SIPA1L2: variants seen among roughly 807,000 people sequenced by gnomAD.
SIPA1L2 encodes the protein signal induced proliferation associated 1 like 2, also known as signal-induced proliferation-associated 1-like protein 2.
A neutral mutation model predicts 163.9 loss-of-function variants in SIPA1L2; 56 were observed. The ratio of observed to expected loss-of-function variants is 0.34; its 90% CI spans 0.28 to 0.43. The LOEUF (loss-of-function observed/expected upper bound fraction) is 0.43. SIPA1L2 is among the 20% of genes least tolerant of loss of function. The pLI, the probability that SIPA1L2 is intolerant of heterozygous loss-of-function variation, is 1.00. For synonymous variants in SIPA1L2, 877 were observed against 865.7 expected, an observed-to-expected ratio of 1.01 and a Z score of -0.23; for missense variants, 1,974 against 2,193.5, an observed-to-expected ratio of 0.90 and a Z score of 2.00.
intron 8 of SIPA1L2, among the ~76,000 whole-genome samples, chr1:232,468,418 C>G (rs187929946): frequency 7.6e-4 from 115 of 152,288 alleles, no homozygotes; most frequent in African/African-American, 2.6e-3. Flanking sequence ...TCAGGTAACT[C>G]CCGGAGTCAG....
chr1:232,593,781 T>C (rs1017798982), intron 1 of SIPA1L2, among the ~76,000 whole-genome samples: 6 of 152,152 alleles, frequency 3.9e-5, no homozygotes, highest in African/African-American at 1.4e-4. Flanking sequence ...TCGTGTCAAA[T>C]AAGCAATATT....
At chr1:232,625,241 G>C (rs1162818571) in intron 1 of SIPA1L2, among the ~76,000 whole-genome samples, 1 of 152,166 alleles carries the variant, frequency 6.6e-6, no homozygotes, top group Middle Eastern at 3.2e-3. Context: ...TAAGCCTCGA[G>C]GGAAGCTTCC....
intron 1 of SIPA1L2, among the ~76,000 whole-genome samples, chr1:232,627,775 T>C (rs1004544317): frequency 2.0e-5 from 3 of 152,346 alleles, no homozygotes; most frequent in African/African-American, 7.2e-5. Context: ...CCCCCATACC[T>C]GTGATCTAGC....
chr1:232,469,242 G>A (rs185239227), intron 8 of SIPA1L2, among the ~76,000 whole-genome samples: 6 of 152,336 alleles, frequency 3.9e-5, no homozygotes, highest in Non-Finnish European at 1.5e-5. Flanking sequence ...GCTTTCACGG[G>A]AGCTTGCCAC....
At chr1:232,615,356 T>C (rs568829252) in intron 1 of SIPA1L2, among the ~76,000 whole-genome samples, 1 of 152,370 alleles carries the variant, frequency 6.6e-6, no homozygotes, top group South Asian at 2.1e-4. Flanking sequence ...CCTTTCAGGC[T>C]AAAGCAGCAC....
chr1:232,591,268 T>C (rs978988439), intron 1 of SIPA1L2, among the ~76,000 whole-genome samples: 1 of 152,256 alleles, frequency 6.6e-6, no homozygotes, highest in African/African-American at 2.4e-5. Context: ...TTGACCAAAT[T>C]GGAAAATAAT....
At chr1:232,399,834 T>C (rs527237322) in intron 22 of SIPA1L2, among the ~76,000 whole-genome samples, 1 of 152,064 alleles carries the variant, frequency 6.6e-6, no homozygotes, top group African/African-American at 2.4e-5. Flanking sequence ...AAAAAATGTA[T>C]AGCAGCAGTT....
Position 232,445,736 on chromosome 1 carries a change from C to T in SIPA1L2, c.3146G>A (p.Ser1049Asn). ...TTTATACTCGCAGGGGGTGCCCTCGCTGTCGAGTTTATATTCCACCATAGG... is the reference window on the plus strand; with the variant it reads ...TTTATACTCGCAGGGGGTGCCCTCGTTGTCGAGTTTATATTCCACCATAGG... ...RIPMVEYKLD[S>N]EGTPCEYKTP... The change falls in exon 11 of 23, where the codon AGC (serine) becomes AAC (asparagine). Residue 1049 changes from serine (S) to asparagine (N), a missense_variant. By Grantham distance (46) the Ser-to-Asn change is conservative. Transcript: ENST00000674635. The T allele has an allele frequency of 1.2e-6, 2 of 1,613,686 alleles. No homozygotes were observed. Among genetic ancestry groups the T allele is most frequent in the Non-Finnish European group, 1.7e-6 (2 of 1,179,926 alleles).
At chr1:232,469,962 T>G (rs989315299) in intron 8 of SIPA1L2, among the ~76,000 whole-genome samples, 2 of 152,012 alleles carry the variant, frequency 1.3e-5, no homozygotes, top group African/African-American at 4.8e-5. Context: ...AGCATAAAGA[T>G]AGCAAGTAAT....
chr1:232,596,881 G>A (rs1661282626), intron 1 of SIPA1L2, among the ~76,000 whole-genome samples: 1 of 152,094 alleles, frequency 6.6e-6, no homozygotes, highest in Non-Finnish European at 1.5e-5. Flanking sequence ...TTCATTCCCG[G>A]CCTCCTCCTG....
chr1:232,467,554 C>T (rs1664588896), intron 8 of SIPA1L2, among the ~76,000 whole-genome samples: 1 of 152,196 alleles, frequency 6.6e-6, no homozygotes. Context: ...CATCCTGTGG[C>T]TTCTCTTCTC....
rs1048614632 is a variant in SIPA1L2 at position 232,608,809 on chromosome 1, C to T, written c.-319+21060G>A. ...ACCACATACAGTGGCCAAGCAAGTG[C>T]CAGGCAGGTTCACCTACCTGGGACT... On this transcript the variant is annotated intron_variant, in intron 1 of 22. Coordinates refer to ENST00000674635, the MANE Select transcript of SIPA1L2 (RefSeq NM_020808.5). 2.0e-5 allele frequency among the ~76,000 whole-genome samples: 3 copies of T among 152,152 alleles called. No individual in the cohort carries two copies. The South Asian group carries it at 6.2e-4, about 32-fold the overall frequency.
chr1:232,514,059 AG>A lies in SIPA1L2; in HGVS notation c.1280del (p.Ser427PhefsTer46). On this transcript the variant is annotated frameshift_variant, in exon 3 of 23. Coordinates refer to ENST00000674635, the MANE Select transcript of SIPA1L2 (RefSeq NM_020808.5). LOFTEE classifies it high-confidence loss of function. ...GGEGDRRIAL[S>X]RANSSSFSSG... The stretch of plus-strand genomic sequence containing the variant: ...AACTGAAAGAGGATGAGTTGGCTCG[AG>A]AGAGCGCAATCCGCCTGTCGCCTTC... 1 of 1,614,234 alleles carries A rather than the reference AG, an allele frequency of 6.2e-7. No individual in the cohort carries two copies. The highest frequency in any genetic ancestry group is 1.1e-5 in the South Asian group (1 of 91,084).
intron 2 of SIPA1L2, among the ~76,000 whole-genome samples, chr1:232,573,888 GC>G (rs1176316216): frequency 1.3e-5 from 2 of 152,226 alleles, no homozygotes; most frequent in Admixed American, 1.3e-4. Context: ...ATTATTAAAA[GC>G]AGATCCTTTT....
At chr1:232,629,775 G>A (rs527934538) in intron 1 of SIPA1L2, among the ~76,000 whole-genome samples, 94 bp downstream of exon 1, 4 of 152,024 alleles carry the variant, frequency 2.6e-5, no homozygotes, top group East Asian at 3.9e-4. Flanking sequence ...CGCCCCGAAG[G>A]GCATCCCCTT....
At chr1:232,411,938 CA>C (rs1052522539) in intron 19 of SIPA1L2, among the ~76,000 whole-genome samples, 7 of 152,162 alleles carry the variant, frequency 4.6e-5, no homozygotes, top group Non-Finnish European at 7.3e-5. Flanking sequence ...TTATGGTCAG[CA>C]ATGTGGTCTG....
intron 1 of SIPA1L2, among the ~76,000 whole-genome samples, chr1:232,607,978 T>C (rs1440840752): frequency 1.5e-5 from 2 of 130,346 alleles, no homozygotes; most frequent in South Asian, 2.4e-4. Context: ...TCACTCGAAC[T>C]GGGGAGGCGG....
rs189207097 is a variant in SIPA1L2 at position 232,621,186 on chromosome 1, C to T, written c.-319+8683G>A. 2.0e-3 allele frequency among the ~76,000 whole-genome samples: 297 copies of T among 152,302 alleles called. 2 individuals carry two copies. Among genetic ancestry groups the T allele is most frequent in the Non-Finnish European group, 2.7e-3 (184 of 68,026 alleles). ...TTCAATCAGTAAAACTGCTACCTCACCACAAATTACAAAATTTCTAGTTAA... is the reference window on the plus strand; with the variant it reads ...TTCAATCAGTAAAACTGCTACCTCATCACAAATTACAAAATTTCTAGTTAA... On this transcript the variant is annotated intron_variant, in intron 1 of 22. Coordinates refer to ENST00000674635, the MANE Select transcript of SIPA1L2 (RefSeq NM_020808.5).
At chr1:232,571,825 C>G (rs1408435519) in intron 2 of SIPA1L2, among the ~76,000 whole-genome samples, 1 of 152,204 alleles carries the variant, frequency 6.6e-6, no homozygotes, top group Non-Finnish European at 1.5e-5. Context: ...TCAACTTCTA[C>G]CTAAAAGCTT....
Sources: gnomAD v4.1 joint callset for allele counts (sites outside exome capture counted in the v4.1 genomes callset) on GRCh38, gnomAD v4.1.1 for gene constraint, MANE v1.5 for transcripts, NCBI Gene and HGNC (gene_info 2026-07-23, HGNC 2026-07-21) for gene names.